The following LIN7A variants were observed in gnomAD, a reference collection of about 807,000 sequenced individuals.
LIN7A encodes lin-7 cell polarity scaffold A, also known as protein lin-7 homolog A.
A neutral mutation model predicts 29.8 loss-of-function variants in LIN7A; 25 were observed. That is an observed-to-expected ratio of 0.84 (90% confidence interval 0.61 to 1.17). The LOEUF is 1.17. LIN7A is among the 50% of genes most tolerant of loss of function. The probability of loss-of-function intolerance (pLI) is 0.00; values close to 1 mark genes in which losing one functional copy is unlikely to be tolerated. For missense variants in LIN7A, 239 were observed against 287.0 expected (o/e 0.83, Z 1.21); for synonymous variants, 118 against 107.5 (o/e 1.10, Z -0.60).
chr12:80,904,531 C>A (rs556556785), intron 1 of LIN7A, among the ~76,000 whole-genome samples: 1 of 152,232 alleles, frequency 6.6e-6, no homozygotes, highest in African/African-American at 2.4e-5. Flanking sequence ...TGAGATCATG[C>A]AGTATTTGTT....
intron 1 of LIN7A, among the ~76,000 whole-genome samples, chr12:80,911,424 A>G (rs983706278): frequency 6.6e-6 from 1 of 151,914 alleles, no homozygotes; most frequent in Non-Finnish European, 1.5e-5. Flanking sequence ...TTGGAAATGC[A>G]AGCTTGGAGG....
intron 1 of LIN7A, among the ~76,000 whole-genome samples, chr12:80,908,555 C>T (rs1876598602): frequency 6.6e-6 from 1 of 151,958 alleles, no homozygotes; most frequent in Non-Finnish European, 1.5e-5. Context: ...GGTATTGAGA[C>T]TAATAAGAGA....
intron 1 of LIN7A, among the ~76,000 whole-genome samples, chr12:80,928,339 T>C (rs1187535736): frequency 6.6e-6 from 1 of 152,158 alleles, no homozygotes; most frequent in East Asian, 1.9e-4. Flanking sequence ...GTAAAAGTGT[T>C]CCTATTTCTC....
At chr12:80,870,614 C>G (rs932955018) in intron 2 of LIN7A, among the ~76,000 whole-genome samples, 1 of 152,148 alleles carries the variant, frequency 6.6e-6, no homozygotes, top group Admixed American at 6.5e-5. Context: ...ACTTCCATCA[C>G]AAATACCTTC....
intron 2 of LIN7A, among the ~76,000 whole-genome samples, chr12:80,853,988 C>G (rs929601862): frequency 6.6e-6 from 1 of 152,110 alleles, no homozygotes; most frequent in African/African-American, 2.4e-5. Context: ...GCCACTGTGC[C>G]CCTGCTGAAG....
chr12:80,800,489 CAAAAAAAAA>C (rs55772850), intron 5 of LIN7A, among the ~76,000 whole-genome samples: 9 of 38,074 alleles, frequency 2.4e-4, no homozygotes, highest in East Asian at 1.3e-3. Context: ...AACTCCGTCT[CAAAAAAAAA>C]AAAAAAAAAA....
chr12:80,806,663 G>A (rs867672182), intron 5 of LIN7A, among the ~76,000 whole-genome samples: 1 of 152,188 alleles, frequency 6.6e-6, no homozygotes, highest in Non-Finnish European at 1.5e-5. Context: ...AACCTGAGAT[G>A]CTTAAAGTCT....
chr12:80,842,378 A>G (rs1300065431), intron 4 of LIN7A, among the ~76,000 whole-genome samples: 1 of 152,200 alleles, frequency 6.6e-6, no homozygotes, highest in East Asian at 1.9e-4. Context: ...TTTTGCCTGC[A>G]TTTAGAAAAA....
At chr12:80,937,332 G>T in intron 1 of LIN7A, 1 of 315,210 alleles carries the variant, frequency 3.2e-6, no homozygotes. Flanking sequence ...TCCCCGCGCA[G>T]CGGCTCCAAC....
intron 2 of LIN7A, among the ~76,000 whole-genome samples, chr12:80,851,355 C>CTTTTTT (rs199557424): frequency 7.2e-6 from 1 of 139,606 alleles, no homozygotes; most frequent in African/African-American, 2.6e-5. Context: ...AATTGCTAGT[C>CTTTTTT]TTTTTTTTTT....
At chr12:80,875,300 G>A (rs1432590633) in intron 2 of LIN7A, among the ~76,000 whole-genome samples, 8 of 151,682 alleles carry the variant, frequency 5.3e-5, no homozygotes, top group African/African-American at 1.9e-4. Flanking sequence ...CATTTTTTCT[G>A]GAAAAAAAAG....
chr12:80,852,928 C>T lies in LIN7A; in HGVS notation c.202-4606G>A, dbSNP rs575600349. On this transcript the variant is annotated intron_variant, in intron 2 of 5. Transcript: ENST00000552864. ...AAGCGTTACTCTCGTGGTGCAAGTG[C>T]TGTCTTTTCCCTGTCTTCTACTTCT... is the stretch of plus-strand genomic sequence containing the variant. Among the ~76,000 whole-genome samples, 7 of 152,256 alleles carry T rather than the reference C, an allele frequency of 4.6e-5. No homozygotes were observed. The East Asian group carries it at 1.4e-3, about 29-fold the overall frequency.
intron 2 of LIN7A, among the ~76,000 whole-genome samples, chr12:80,851,017 G>T (rs1308966924): frequency 1.3e-5 from 2 of 152,146 alleles, no homozygotes; most frequent in Non-Finnish European, 2.9e-5. Flanking sequence ...ATTTGTTGCA[G>T]ATTTGATACA....
rs1212093397 is a variant in LIN7A, at chr12:80,848,413, G to GA, written c.202-92dup. On this transcript the variant is annotated intron_variant, in intron 2 of 5. Coordinates refer to ENST00000552864, the MANE Select transcript of LIN7A (RefSeq NM_004664.4). ...AAAGAAAATTATATTTTCACTGTAG[G>GA]AAAAAAATTCTCTATTGCAAAATAA... 7 of 991,586 alleles carry GA rather than the reference G, an allele frequency of 7.1e-6. No individual in the cohort carries two copies. In the South Asian group the frequency reaches 7.3e-5, roughly 10 times the overall value. The allele number at this position is 991,586 out of a possible 1,614,324, so 61.4% of individuals were successfully genotyped here. A position where few individuals can be genotyped will look rare whatever the true frequency, so the allele number is the denominator to read the frequency against.
chr12:80,832,371 T>TA (rs908035417), intron 4 of LIN7A, among the ~76,000 whole-genome samples: 2 of 152,176 alleles, frequency 1.3e-5, no homozygotes, highest in African/African-American at 4.8e-5. Context: ...ATTCTTACAA[T>TA]AACGTTTGCC....
intron 2 of LIN7A, among the ~76,000 whole-genome samples, chr12:80,881,042 G>A (rs997008952): frequency 6.6e-6 from 1 of 152,050 alleles, no homozygotes; most frequent in African/African-American, 2.4e-5. Flanking sequence ...AAATGATAAA[G>A]CTTTCTCCAG....
At chr12:80,916,981 T>C (rs945214278) in intron 1 of LIN7A, among the ~76,000 whole-genome samples, 2 of 152,140 alleles carry the variant, frequency 1.3e-5, no homozygotes, top group African/African-American at 2.4e-5. Context: ...CAAATAAACA[T>C]TGGCATATGG....
intron 1 of LIN7A, among the ~76,000 whole-genome samples, chr12:80,898,826 A>G (rs1209002927): frequency 6.6e-6 from 1 of 152,008 alleles, no homozygotes; most frequent in East Asian, 1.9e-4. Context: ...ATTTTTGCGC[A>G]TTGTTTTTGT....
intron 2 of LIN7A, among the ~76,000 whole-genome samples, chr12:80,863,891 CTTGT>C (rs1346482357): frequency 6.7e-5 from 9 of 133,552 alleles, no homozygotes; most frequent in East Asian, 4.2e-4. Context: ...TGATGAAAGG[CTTGT>C]TTGTTTGTTT....
Sources: gnomAD v4.1 joint callset for allele counts (sites outside exome capture counted in the v4.1 genomes callset) on GRCh38, gnomAD v4.1.1 for gene constraint, MANE v1.5 for transcripts, NCBI Gene and HGNC (gene_info 2026-07-23, HGNC 2026-07-21) for gene names.